Variants in ZNF730 observed in about 807,000 individuals in gnomAD.
The protein encoded by ZNF730 is zinc finger protein 730, also known as putative zinc finger protein 730.
In ZNF730, 12 loss-of-function variants were observed where a neutral mutation model predicts 12.6. The observed-to-expected ratio is 0.95, with a 90% CI of 0.61 to 1.54. The LOEUF (loss-of-function observed/expected upper bound fraction) is 1.54. ZNF730 is among the 40% of genes most tolerant of loss of function. The pLI, the probability that ZNF730 is intolerant of heterozygous loss-of-function variation, is 0.00. For missense variants in ZNF730, 643 were observed against 583.5 expected, an observed-to-expected ratio of 1.10 and a Z score of -1.05; for synonymous variants, 194 against 195.8, an observed-to-expected ratio of 0.99 and a Z score of 0.08.
chr19:23,113,299 A>C (rs143159353), upstream of ZNF730, among the ~76,000 whole-genome samples: 25 of 152,318 alleles, frequency 1.6e-4, no homozygotes, highest in East Asian at 3.5e-3. Flanking sequence ...TCTTCGTATT[A>C]TCCTCCTGGT....
At chr19:23,077,086 C>G (rs1969874582) in intron 1 of ZNF730, among the ~76,000 whole-genome samples, 2 of 152,144 alleles carry the variant, frequency 1.3e-5, no homozygotes, top group African/African-American at 4.8e-5. Flanking sequence ...AACACAGGAA[C>G]AGAAAACTAA....
rs747272909 is a variant in ZNF730, at chr19:23,145,748, A to G, written c.704A>G (p.Lys235Arg). ...CCTTACAAATGTAAAGAATGTGGCA[A>G]AGCCTTTAACTGGTTTTCACATTTT... is the stretch of plus-strand genomic sequence containing the variant. The part of the protein sequence containing the change: ...KKPYKCKECG[K>R]AFNWFSHFTT... Residue 235 changes from lysine (K) to arginine (R), a missense_variant, in exon 4 of 4, where the codon AAA (lysine) becomes AGA (arginine). Lys to Arg is a conservative substitution (Grantham distance 26). Coordinates refer to ENST00000597761, the MANE Select transcript of ZNF730 (RefSeq NM_001277403.2). 3.8e-6 allele frequency: 6 copies of G among 1,565,186 alleles called. No individual in the cohort carries two copies. The highest frequency in any genetic ancestry group is 5.2e-6 in the Non-Finnish European group (6 of 1,156,594).
chr19:23,078,503 C>T (rs1969907009), intron 1 of ZNF730, among the ~76,000 whole-genome samples: 1 of 152,164 alleles, frequency 6.6e-6, no homozygotes, highest in Non-Finnish European at 1.5e-5. Context: ...TATTTGTTCA[C>T]GTGTTTTCCT....
intron 1 of ZNF730, among the ~76,000 whole-genome samples, chr19:23,131,632 A>G (rs1292301510): frequency 6.6e-6 from 1 of 152,234 alleles, no homozygotes; most frequent in East Asian, 1.9e-4. Flanking sequence ...AAGAGTGCTG[A>G]GTGTAATGAA....
At chr19:23,083,317 G>A (rs1363216314) in intron 1 of ZNF730, among the ~76,000 whole-genome samples, 1 of 152,006 alleles carries the variant, frequency 6.6e-6, no homozygotes, top group South Asian at 2.1e-4. Flanking sequence ...CCAGCTACTC[G>A]GGAGGCTGAG....
chr19:23,097,074 A>G (rs2145513176), intron 1 of ZNF730, among the ~76,000 whole-genome samples: 1 of 152,262 alleles, frequency 6.6e-6, no homozygotes, highest in South Asian at 2.1e-4. Context: ...AGAGTGCCTC[A>G]TTGACATATC....
intron 1 of ZNF730, among the ~76,000 whole-genome samples, chr19:23,090,470 C>G (rs1970138965): frequency 6.6e-6 from 1 of 152,096 alleles, no homozygotes; most frequent in African/African-American, 2.4e-5. Context: ...CTTTTAAAAG[C>G]ACTCTGTTTT....
chr19:23,140,034 A>C (rs180982601), intron 3 of ZNF730, among the ~76,000 whole-genome samples: 4 of 152,216 alleles, frequency 2.6e-5, no homozygotes, highest in Admixed American at 2.6e-4. Context: ...ATTAAGAGAT[A>C]AATCAGCCAT....
At chr19:23,087,764 C>G (rs1233939937) in intron 1 of ZNF730, among the ~76,000 whole-genome samples, 1 of 151,136 alleles carries the variant, frequency 6.6e-6, no homozygotes, top group South Asian at 2.1e-4. Flanking sequence ...TACAGGCATG[C>G]GCCACCACGC....
At position 23,146,132 on chromosome 19, in the gene ZNF730, C is replaced by A. The variant is rs1372435148; in HGVS notation, c.1088C>A (p.Thr363Asn). Residue 363 changes from threonine (T) to asparagine (N), a missense_variant, in exon 4 of 4, where the codon ACT becomes AAT. Thr to Asn is a moderately conservative substitution (Grantham distance 65). Transcript: ENST00000597761. Reference sequence around the variant, plus strand: ...CTTAATAGACATAAGATAACTCATACTGGAGGGAAACCCTACAAATATAAA... The same window carrying A: ...CTTAATAGACATAAGATAACTCATAATGGAGGGAAACCCTACAAATATAAA... ...STLNRHKITH[T>N]GGKPYKYKEC... is the part of the protein sequence containing the mutation. 6.2e-7 allele frequency: 1 copy of A among 1,609,146 alleles called. No homozygotes were observed. The highest frequency in any genetic ancestry group is 2.2e-5 in the East Asian group (1 of 44,674).
chr19:23,128,968 G>A (rs896759193), intron 1 of ZNF730, among the ~76,000 whole-genome samples: 1 of 152,176 alleles, frequency 6.6e-6, no homozygotes, highest in Non-Finnish European at 1.5e-5. Context: ...GTAGAGCTCA[G>A]GCTGTTGTTT....
chr19:23,125,261 G>GC (rs764488058), intron 1 of ZNF730, among the ~76,000 whole-genome samples: 19 of 152,136 alleles, frequency 1.2e-4, no homozygotes, highest in Admixed American at 5.2e-4. Flanking sequence ...TACCAGTAGA[G>GC]CCGGGCATTG....
chr19:23,128,423 A>G (rs1479162317), intron 1 of ZNF730: 1 of 388,636 alleles, frequency 2.6e-6, no homozygotes, highest in Non-Finnish European at 4.9e-6. Flanking sequence ...AATCCAGTCT[A>G]TGAGAAGAAG....
intron 1 of ZNF730, among the ~76,000 whole-genome samples, chr19:23,131,612 G>C (rs1229559164): frequency 6.6e-6 from 1 of 152,194 alleles, no homozygotes; most frequent in Admixed American, 6.5e-5. Context: ...AAAAGTGTTT[G>C]TATTGTCACA....
In ZNF730 at chr19:23,121,869, C is replaced by G. The variant is rs80193754; in HGVS notation, c.3+4693C>G. On this transcript the variant is annotated intron_variant, in intron 1 of 3. Coordinates refer to ENST00000597761, the MANE Select transcript of ZNF730 (RefSeq NM_001277403.2). ...AAAGATAAGAGGCTTTATTCTCTTA[C>G]GTGAAAGTAAGGGAGGATATTTTGT... 7.3e-3 allele frequency among the ~76,000 whole-genome samples: 1,116 copies of G among 152,120 alleles called. 8 individuals are homozygous for G. The highest frequency in any genetic ancestry group is 0.024 in the African/African-American group (1,014 of 41,492).
rs1338084172 is a variant in ZNF730 at position 23,108,161 on chromosome 19, A to G, written c.-93-25919A>G. Among the ~76,000 whole-genome samples the G allele has an allele frequency of 3.9e-5, 6 of 152,206 alleles. No homozygotes were observed. In the East Asian group the frequency reaches 7.7e-4, roughly 20 times the overall value. ...ACATTCATTTGAGAAATAATTTACA[A>G]TTAGGTCACCTAAAAATGTTAATTT... On this transcript the variant is annotated intron_variant, in intron 1 of 2. Transcript: ENST00000593635.
At chr19:23,134,542 C>G (rs1416537433) in intron 2 of ZNF730, among the ~76,000 whole-genome samples, 1 of 147,152 alleles carries the variant, frequency 6.8e-6, no homozygotes, top group East Asian at 2.1e-4. Context: ...GCCCGGCCGC[C>G]CCTACTGGGA....
At chr19:23,134,987 G>A (rs1221662334) in intron 2 of ZNF730, among the ~76,000 whole-genome samples, 4 of 94,126 alleles carry the variant, frequency 4.2e-5, no homozygotes, top group Admixed American at 2.6e-4. Flanking sequence ...GATTAAGGGC[G>A]GTGCAAGATG....
intron 1 of ZNF730, among the ~76,000 whole-genome samples, chr19:23,093,030 A>G (rs1970183045): frequency 6.6e-6 from 1 of 151,830 alleles, no homozygotes; most frequent in Non-Finnish European, 1.5e-5. Context: ...AACTCTTGTC[A>G]CCCAGGCTGG....
Sources: gnomAD v4.1 joint callset for allele counts (sites outside exome capture counted in the v4.1 genomes callset) on GRCh38, gnomAD v4.1.1 for gene constraint, MANE v1.5 for transcripts, NCBI Gene and HGNC (gene_info 2026-07-23, HGNC 2026-07-21) for gene names.